PTPRD: variants seen among roughly 807,000 people sequenced by gnomAD.
The protein encoded by PTPRD is receptor-type tyrosine-protein phosphatase delta.
In PTPRD, 34 loss-of-function variants were observed where a neutral mutation model predicts 214.5. That is an observed-to-expected ratio of 0.16 (90% CI 0.12 to 0.21). PTPRD has a LOEUF of 0.21. Ranked by LOEUF, PTPRD falls within the 10% of genes least tolerant of loss-of-function variation. The pLI is 1.00. For synonymous variants in PTPRD, 1,128 were observed against 845.7 expected (o/e 1.33, Z -5.79); for missense variants, 2,545 against 2,398.7 (o/e 1.06, Z -1.27).
At chr9:10,544,263 A>C (rs2059744387) in intron 2 of PTPRD, among the ~76,000 whole-genome samples, 1 of 152,142 alleles carries the variant, frequency 6.6e-6, no homozygotes, top group African/African-American at 2.4e-5. Flanking sequence ...TAAATCTGTC[A>C]CAGGGACAAA....
At chr9:9,509,132 G>C (rs2096638932) in intron 8 of PTPRD, among the ~76,000 whole-genome samples, 1 of 151,628 alleles carries the variant, frequency 6.6e-6, no homozygotes, top group Non-Finnish European at 1.5e-5. Context: ...TCAGAAAGTA[G>C]ATTATGGGGA....
intron 2 of PTPRD, among the ~76,000 whole-genome samples, chr9:10,512,796 T>G (rs1167325311): frequency 6.6e-6 from 1 of 152,104 alleles, no homozygotes; most frequent in African/African-American, 2.4e-5. Context: ...AACCTAAGGT[T>G]GCAAACCAGG....
rs1012281665 is a variant in PTPRD, at chr9:10,036,077, G to C, written c.-544-2287C>G. Among the ~76,000 whole-genome samples the C allele has an allele frequency of 4.6e-5, 7 of 152,134 alleles. No homozygotes were observed. In the East Asian group the frequency reaches 1.4e-3, roughly 29 times the overall value. ...CTTGGATATTCAACATTGGTATCTG[G>C]CAGTATACCCACTGATACTTATACT... On this transcript the variant is annotated intron_variant, in intron 3 of 45. Coordinates refer to ENST00000381196, the MANE Select transcript of PTPRD (RefSeq NM_002839.4).
intron 11 of PTPRD, among the ~76,000 whole-genome samples, chr9:8,852,234 T>G (rs2097831962): frequency 6.6e-6 from 1 of 152,058 alleles, no homozygotes; most frequent in African/African-American, 2.4e-5. Flanking sequence ...AGAACATAGC[T>G]CAAGGGATGT....
chr9:10,268,242 A>G (rs1195481343), intron 3 of PTPRD, among the ~76,000 whole-genome samples: 1 of 150,440 alleles, frequency 6.6e-6, no homozygotes, highest in Non-Finnish European at 1.5e-5. Context: ...GTAAGCTACG[A>G]TCATGCCACT....
chr9:9,101,819 A>G (rs1265981682), intron 10 of PTPRD, among the ~76,000 whole-genome samples: 1 of 152,182 alleles, frequency 6.6e-6, no homozygotes, highest in African/African-American at 2.4e-5. Context: ...ATTATTCCTT[A>G]ATCATACATA....
chr9:8,852,604 C>G (rs973685544), intron 11 of PTPRD, among the ~76,000 whole-genome samples: 4 of 152,226 alleles, frequency 2.6e-5, no homozygotes, highest in African/African-American at 9.6e-5. Context: ...CTCAATACTA[C>G]TTGCCTGCTG....
intron 9 of PTPRD, among the ~76,000 whole-genome samples, chr9:9,316,052 C>A (rs892067183): frequency 1.3e-5 from 2 of 151,768 alleles, no homozygotes; most frequent in African/African-American, 4.8e-5. Flanking sequence ...AGTGCACATG[C>A]CTGTCCATAG....
At chr9:8,579,256 T>A (rs1414749794) in intron 14 of PTPRD, among the ~76,000 whole-genome samples, 1 of 152,252 alleles carries the variant, frequency 6.6e-6, no homozygotes, top group Non-Finnish European at 1.5e-5. Context: ...TTATTCTTCA[T>A]AATACAAAAG....
At chr9:9,918,238 C>T (rs1043919623) in intron 5 of PTPRD, among the ~76,000 whole-genome samples, 5 of 150,224 alleles carry the variant, frequency 3.3e-5, no homozygotes, top group Admixed American at 2.0e-4. Flanking sequence ...AATTAAGTCA[C>T]ATTTCAATAC....
intron 3 of PTPRD, among the ~76,000 whole-genome samples, chr9:10,083,991 G>C (rs900987731): frequency 1.3e-5 from 2 of 151,974 alleles, no homozygotes. Context: ...GTCATACTTG[G>C]TCACTTAATG....
intron 7 of PTPRD, among the ~76,000 whole-genome samples, chr9:9,626,412 G>A (rs12375520): frequency 0.098 from 14,896 of 152,152 alleles, 771 homozygotes; most frequent in Middle Eastern, 0.17. Context: ...TAAATTTGTA[G>A]TAAAGAAAGG....
chr9:8,416,764 A>C (rs1392430288), intron 35 of PTPRD, among the ~76,000 whole-genome samples: 1 of 152,124 alleles, frequency 6.6e-6, no homozygotes, highest in African/African-American at 2.4e-5. Context: ...TTATGATGAC[A>C]ATGAGGGGTG....
chr9:10,429,742 G>C (rs1303517200), intron 2 of PTPRD, among the ~76,000 whole-genome samples: 1 of 151,186 alleles, frequency 6.6e-6, no homozygotes, highest in Non-Finnish European at 1.5e-5. Context: ...GGGGGCTAAG[G>C]GGAGTGGAAG....
At chr9:10,110,237 C>T (rs938297617) in intron 3 of PTPRD, among the ~76,000 whole-genome samples, 3 of 152,150 alleles carry the variant, frequency 2.0e-5, no homozygotes, top group African/African-American at 7.2e-5. Flanking sequence ...GAAGTAGCTC[C>T]TACATTCCAG....
chr9:10,510,787 T>C (rs1443182327), intron 2 of PTPRD, among the ~76,000 whole-genome samples: 1 of 152,142 alleles, frequency 6.6e-6, no homozygotes, highest in African/African-American at 2.4e-5. Context: ...CCTATTGTGC[T>C]ACAAAACACT....
intron 6 of PTPRD, among the ~76,000 whole-genome samples, chr9:9,759,494 C>G (rs1379122177): frequency 6.6e-6 from 1 of 151,204 alleles, no homozygotes; most frequent in Non-Finnish European, 1.5e-5. Flanking sequence ...TGAGTATAAA[C>G]TCAGTCTGTA....
At chr9:8,584,963 T>C (rs140954921) in intron 14 of PTPRD, among the ~76,000 whole-genome samples, 273 of 152,296 alleles carry the variant, frequency 1.8e-3, no homozygotes, top group African/African-American at 6.2e-3. Flanking sequence ...TCATTCACTA[T>C]CATGAGAACA....
chr9:8,609,493 G>C (rs530992521), intron 14 of PTPRD, among the ~76,000 whole-genome samples: 25 of 152,324 alleles, frequency 1.6e-4, no homozygotes, highest in Admixed American at 5.2e-4. Context: ...TATGTGACAA[G>C]TATGTAACTG....
Sources: allele counts gnomAD v4.1 joint callset (sites outside exome capture counted in the v4.1 genomes callset), GRCh38; gene constraint gnomAD v4.1.1; transcripts MANE v1.5; gene names NCBI Gene and HGNC (gene_info 2026-07-23, HGNC 2026-07-21).